RNF13: variants seen among roughly 807,000 people sequenced by gnomAD.
The protein encoded by RNF13 is E3 ubiquitin-protein ligase RNF13.
A neutral mutation model predicts 37.7 loss-of-function variants in RNF13; 19 were observed. The ratio of observed to expected loss-of-function variants is 0.50; its 90% CI spans 0.35 to 0.74. The LOEUF is 0.74. Ranked by LOEUF, RNF13 falls within the 30% of genes least tolerant of loss-of-function variation. The probability of loss-of-function intolerance (pLI) is 0.01; values close to 1 mark genes in which losing one functional copy is unlikely to be tolerated. For synonymous variants in RNF13, 144 were observed against 157.8 expected, an observed-to-expected ratio of 0.91 and a Z score of 0.65; for missense variants, 375 against 453.0, an observed-to-expected ratio of 0.83 and a Z score of 1.56.
intron 2 of RNF13, among the ~76,000 whole-genome samples, chr3:149,850,630 TA>T (rs994115303): frequency 1.3e-5 from 2 of 152,258 alleles, no homozygotes; most frequent in African/African-American, 2.4e-5. Context: ...GTATAGTTTG[TA>T]GATTCCCCAT....
intron 4 of RNF13, among the ~76,000 whole-genome samples, chr3:149,873,182 C>T (rs879463364): frequency 1.3e-5 from 2 of 152,096 alleles, no homozygotes; most frequent in African/African-American, 4.8e-5. Context: ...TTTCTTGCTG[C>T]TAAGAAATTA....
chr3:149,825,879 G>C (rs1720452793), intron 1 of RNF13, among the ~76,000 whole-genome samples: 1 of 152,086 alleles, frequency 6.6e-6, no homozygotes. Context: ...ATATAATGAA[G>C]TTAATGAACA....
In RNF13 at chr3:149,814,794, G is replaced by A. The variant is rs563403234; in HGVS notation, c.-17+1441G>A. Among the ~76,000 whole-genome samples the A allele has an allele frequency of 3.9e-4, 59 of 152,244 alleles. 1 individual carries two copies. The highest frequency in any genetic ancestry group is 1.3e-3 in the African/African-American group (53 of 41,554). ...ATTTACTAATTCTGTGACATTTTCC[G>A]TAAATAAGAAATGAGTTGTTATGAG... On this transcript the variant is annotated intron_variant, in intron 1 of 9. Transcript: ENST00000392894.
chr3:149,931,439 C>G (rs1719152272), intron 8 of RNF13, among the ~76,000 whole-genome samples: 1 of 152,038 alleles, frequency 6.6e-6, no homozygotes, highest in African/African-American at 2.4e-5. Flanking sequence ...TTAATTTGCT[C>G]TGTTTCTAGT....
chr3:149,898,449 G>A (rs1715491069), intron 5 of RNF13, among the ~76,000 whole-genome samples: 1 of 152,174 alleles, frequency 6.6e-6, no homozygotes, highest in Non-Finnish European at 1.5e-5. Context: ...GTAGAGTGCA[G>A]TACTTAAGAG....
chr3:149,899,647 G>A (rs1715619542), intron 5 of RNF13, among the ~76,000 whole-genome samples: 1 of 152,154 alleles, frequency 6.6e-6, no homozygotes, highest in African/African-American at 2.4e-5. Context: ...GAGTAATGGT[G>A]GTTTGGAGTA....
chr3:149,928,163 A>G (rs1288395730), intron 8 of RNF13, among the ~76,000 whole-genome samples: 2 of 152,026 alleles, frequency 1.3e-5, no homozygotes, highest in African/African-American at 4.8e-5. Flanking sequence ...CAAAATTCCA[A>G]GAACTTTTTT....
chr3:149,902,436 A>G lies in RNF13; in HGVS notation c.500+274A>G, dbSNP rs541767080. Among the ~76,000 whole-genome samples the G allele has an allele frequency of 6.0e-4, 91 of 152,176 alleles. 1 individual carries two copies. In the South Asian group the frequency reaches 0.017, roughly 28 times the overall value. On this transcript the variant is annotated intron_variant, in intron 6 of 9. Coordinates refer to ENST00000392894, the MANE Select transcript of RNF13 (RefSeq NM_183381.3). ...TTTCATTTTGAAGTTTAATCAAACT[A>G]CTGGTATTTTAAAACAATGCAATTT... is the stretch of plus-strand genomic sequence containing the variant.
At chr3:149,830,812 C>G (rs1027827990) in intron 1 of RNF13, among the ~76,000 whole-genome samples, 7 of 152,214 alleles carry the variant, frequency 4.6e-5, no homozygotes, top group African/African-American at 1.7e-4. Context: ...CCCCTCCTAT[C>G]ACACGCCCAG....
chr3:149,813,525 T>G (rs1192911427), intron 1 of RNF13, among the ~76,000 whole-genome samples, 172 bp downstream of exon 1: 1 of 152,186 alleles, frequency 6.6e-6, no homozygotes, highest in East Asian at 1.9e-4. Flanking sequence ...AGGAATAAAA[T>G]AGCCTTGCCC....
chr3:149,961,194 A>G lies in RNF13; in HGVS notation c.*90A>G. On this transcript the variant is annotated 3_prime_UTR_variant, in exon 10 of 10. Transcript: ENST00000392894. ...TTGCTCCCTTCAAAGATTTCTGTAGAAATAACTTATTTTTTAGTATTCTAC... is the reference window on the plus strand; with the variant it reads ...TTGCTCCCTTCAAAGATTTCTGTAGGAATAACTTATTTTTTAGTATTCTAC... 8.5e-7 allele frequency: 1 copy of G among 1,179,664 alleles called. No individual in the cohort carries two copies. The highest frequency in any genetic ancestry group is 1.5e-5 in the South Asian group (1 of 67,258). The allele number at this position is 1,179,664 out of a possible 1,614,324, so 73.1% of individuals were successfully genotyped here. A position where few individuals can be genotyped will look rare whatever the true frequency, so the allele number is the denominator to read the frequency against.
In RNF13 at chr3:149,960,818, C is replaced by T; in HGVS notation, c.860C>T (p.Pro287Leu). 2 of 1,614,144 alleles carry T rather than the reference C, an allele frequency of 1.2e-6. No individual in the cohort carries two copies. The highest frequency in any genetic ancestry group is 2.2e-5 in the East Asian group (1 of 44,874). The part of the protein sequence containing the change: ...TCPVCKQKVV[P>L]SQGDSDSDTD... Reference sequence around the variant, plus strand: ...CCAGTGTGCAAGCAAAAAGTTGTTCCTTCTCAAGGCGATTCAGACTCTGAC... The same window carrying T: ...CCAGTGTGCAAGCAAAAAGTTGTTCTTTCTCAAGGCGATTCAGACTCTGAC... The change falls in exon 10 of 10, where the codon CCT becomes CTT. Residue 287 changes from proline (P) to leucine (L), a missense_variant. Transcript: ENST00000392894.
chr3:149,960,314 G>C (rs112490906), intron 9 of RNF13, among the ~76,000 whole-genome samples, 178 bp downstream of exon 9: 6 of 152,164 alleles, frequency 3.9e-5, no homozygotes, highest in African/African-American at 1.4e-4. Context: ...CTTTCAGGCC[G>C]GGCATGGTGG....
intron 8 of RNF13, chr3:149,939,531 C>T (rs1720043416): frequency 3.4e-6 from 2 of 585,032 alleles, no homozygotes; most frequent in East Asian, 4.2e-5. Flanking sequence ...TTTCAAGGCC[C>T]CCAGAAACCA....
chr3:149,836,770 T>C (rs1433883313), intron 1 of RNF13, among the ~76,000 whole-genome samples: 1 of 152,124 alleles, frequency 6.6e-6, no homozygotes, highest in East Asian at 1.9e-4. Context: ...GAGAGATGAA[T>C]GGATCAGTAA....
chr3:149,933,110 CA>C (rs1294900116), intron 8 of RNF13, among the ~76,000 whole-genome samples: 6 of 151,018 alleles, frequency 4.0e-5, no homozygotes, highest in Non-Finnish European at 8.8e-5. Context: ...CAAACTGTAC[CA>C]GGGGCCCTTT....
At chr3:149,897,471 G>T (rs1715386808) in intron 5 of RNF13, among the ~76,000 whole-genome samples, 1 of 151,916 alleles carries the variant, frequency 6.6e-6, no homozygotes, top group African/African-American at 2.4e-5. Context: ...TGATAATCAT[G>T]TCAGCTCCTA....
intron 3 of RNF13, among the ~76,000 whole-genome samples, chr3:149,853,895 G>A (rs1723391774): frequency 6.8e-6 from 1 of 147,438 alleles, no homozygotes. Context: ...GGAGCACAGT[G>A]GCACAATCTT....
chr3:149,901,924 A>T (rs997000286), intron 5 of RNF13, 148 bp from the exon 6 acceptor site: 2 of 431,944 alleles, frequency 4.6e-6, no homozygotes, highest in African/African-American at 4.1e-5. Context: ...TTTGATGATG[A>T]ATAAAATCTG....
Sources: gnomAD v4.1 joint callset for allele counts (sites outside exome capture counted in the v4.1 genomes callset) on GRCh38, gnomAD v4.1.1 for gene constraint, MANE v1.5 for transcripts, NCBI Gene and HGNC (gene_info 2026-07-23, HGNC 2026-07-21) for gene names.